Variants in CPED1 observed in about 807,000 individuals in gnomAD.
CPED1 encodes the protein cadherin like and PC-esterase domain containing 1.
A neutral mutation model predicts 128.2 loss-of-function variants in CPED1; 114 were observed. The observed-to-expected ratio is 0.89, with a 90% CI of 0.76 to 1.04. The LOEUF is 1.04. CPED1 is among the 50% of genes least tolerant of loss of function. CPED1 has a pLI of 0.00. For synonymous variants in CPED1, 462 were observed against 426.7 expected (o/e 1.08, Z -1.02); for missense variants, 1,211 against 1,207.1 (o/e 1.00, Z -0.05).
chr7:121,099,635 G>A (rs894105897), intron 6 of CPED1, among the ~76,000 whole-genome samples: 1 of 152,068 alleles, frequency 6.6e-6, no homozygotes, highest in Non-Finnish European at 1.5e-5. Context: ...CAAAGTGCTG[G>A]GATTATAGGC....
intron 22 of CPED1, among the ~76,000 whole-genome samples, chr7:121,289,172 T>G (rs1792642259): frequency 6.6e-6 from 1 of 152,292 alleles, no homozygotes; most frequent in East Asian, 1.9e-4. Flanking sequence ...CTGATTTCAC[T>G]GGATTTCTTA....
At chr7:121,032,988 C>G (rs11976117) in intron 3 of CPED1, among the ~76,000 whole-genome samples, 37,592 of 151,992 alleles carry the variant, frequency 0.25, 4,949 homozygotes, top group East Asian at 0.42. Context: ...ACGTTAGGAT[C>G]CAAGGAGACC....
At position 121,124,475 on chromosome 7, in the gene CPED1, TA is replaced by T. The variant is rs547003345; in HGVS notation, c.1061+8del. On this transcript the variant is annotated splice_donor_region_variant and intron_variant, in intron 8 of 22. Coordinates refer to ENST00000310396, the MANE Select transcript of CPED1 (RefSeq NM_024913.5). ...TCTGGGACCAAAGACCTTCCATAGG[TA>T]AAAAACAAATTTTAATTTAAAAAAA... 1 of 1,447,010 alleles carries T rather than the reference TA, an allele frequency of 6.9e-7. No homozygotes were observed. The highest frequency in any genetic ancestry group is 1.4e-5 in the African/African-American group (1 of 69,016). The allele number at this position is 1,447,010 out of a possible 1,614,324, so 89.6% of individuals were successfully genotyped here.
intron 3 of CPED1, among the ~76,000 whole-genome samples, chr7:121,017,508 G>C (rs1008858754): frequency 6.6e-6 from 1 of 151,840 alleles, no homozygotes; most frequent in Non-Finnish European, 1.5e-5. Context: ...TCACTAAAGG[G>C]GTGATTGTAT....
In CPED1 at chr7:120,989,833, G is replaced by A; in HGVS notation, c.212G>A (p.Cys71Tyr). 6.2e-7 allele frequency: 1 copy of A among 1,614,070 alleles called. No homozygotes were observed. The highest frequency in any genetic ancestry group is 8.5e-7 in the Non-Finnish European group (1 of 1,180,014). The change falls in exon 2 of 23, where the codon TGC becomes TAC. Residue 71 changes from cysteine to tyrosine, a missense_variant. By Grantham distance (194) the Cys-to-Tyr change is radical. Transcript: ENST00000310396. ...AAAGGATTCTCTCAGGACAAACAGT[G>A]CTTCCTTCTCTCTGGTAATGCCCAG... ...CKKGFSQDKQ[C>Y]FLLSGNAQET...
intron 2 of CPED1, among the ~76,000 whole-genome samples, chr7:121,005,505 G>A (rs538831772): frequency 3.2e-4 from 49 of 152,026 alleles, no homozygotes; most frequent in African/African-American, 1.1e-3. Flanking sequence ...GTCTGTCGGC[G>A]GGTGGGGGGC....
rs148955323 is a variant in CPED1, at chr7:121,233,353, T to G, written c.2056-3361T>G. 9.2e-5 allele frequency among the ~76,000 whole-genome samples: 14 copies of G among 152,168 alleles called. No homozygotes were observed. In the East Asian group the frequency reaches 1.5e-3, roughly 17 times the overall value. On this transcript the variant is annotated intron_variant, in intron 16 of 22. Coordinates refer to ENST00000310396, the MANE Select transcript of CPED1 (RefSeq NM_024913.5). Reference sequence around the variant, plus strand: ...CTAAATACTACATTTTCTGTGTCTATAGATCTGTGGCTCCAAGAGATGACA... The same window carrying G: ...CTAAATACTACATTTTCTGTGTCTAGAGATCTGTGGCTCCAAGAGATGACA...
intron 22 of CPED1, among the ~76,000 whole-genome samples, chr7:121,273,950 C>A (rs967882267): frequency 6.6e-6 from 1 of 152,130 alleles, no homozygotes; most frequent in African/African-American, 2.4e-5. Flanking sequence ...CAGTGGTTGC[C>A]AAACCCACAG....
chr7:121,040,212 G>A (rs546112438), intron 3 of CPED1, among the ~76,000 whole-genome samples: 26 of 152,224 alleles, frequency 1.7e-4, no homozygotes, highest in African/African-American at 5.8e-4. Context: ...TAGCCATGTT[G>A]TATAGTTCAT....
At chr7:121,210,704 A>G (rs944130311) in intron 16 of CPED1, among the ~76,000 whole-genome samples, 2 of 151,972 alleles carry the variant, frequency 1.3e-5, no homozygotes, top group African/African-American at 2.4e-5. Context: ...GTTGATGTAT[A>G]CAAAAATGTA....
At chr7:121,036,910 A>C (rs1436068213) in intron 3 of CPED1, among the ~76,000 whole-genome samples, 2 of 151,820 alleles carry the variant, frequency 1.3e-5, no homozygotes, top group African/African-American at 4.8e-5. Flanking sequence ...GCATTTTTTC[A>C]TATGCTTGTT....
At chr7:121,031,824 T>C (rs1404960791) in intron 3 of CPED1, among the ~76,000 whole-genome samples, 1 of 152,176 alleles carries the variant, frequency 6.6e-6, no homozygotes, top group Non-Finnish European at 1.5e-5. Flanking sequence ...TTTGTAAAAC[T>C]TAATACTATG....
chr7:121,044,648 C>CTTTT lies in CPED1; in HGVS notation c.434-2238_434-2237insTTTT, dbSNP rs35159862. On this transcript the variant is annotated intron_variant, in intron 3 of 22. Coordinates refer to ENST00000310396, the MANE Select transcript of CPED1 (RefSeq NM_024913.5). ...GATTGCTGAGAGCAGTGACTTTCTG[C>CTTTT]TCTTTTTTTTTTTTTTTTTTTGCTA... Among the ~76,000 whole-genome samples, 18 of 69,526 alleles carry CTTTT rather than the reference C, an allele frequency of 2.6e-4. 3 individuals are homozygous for CTTTT. The highest frequency in any genetic ancestry group is 6.2e-4 in the South Asian group (1 of 1,616). The allele number at this position is 69,526 out of a possible 152,430, so 45.6% of individuals were successfully genotyped here.
At chr7:121,031,781 T>C (rs987497319) in intron 3 of CPED1, among the ~76,000 whole-genome samples, 3 of 152,232 alleles carry the variant, frequency 2.0e-5, no homozygotes, top group African/African-American at 7.2e-5. Context: ...GTTGAAAATA[T>C]ATTATTGACT....
intron 2 of CPED1, among the ~76,000 whole-genome samples, chr7:120,996,683 G>A (rs1562985948): frequency 6.6e-6 from 1 of 152,114 alleles, no homozygotes; most frequent in Non-Finnish European, 1.5e-5. Flanking sequence ...TTATGGCTAT[G>A]TAAAGTGGAA....
intron 18 of CPED1, among the ~76,000 whole-genome samples, chr7:121,249,980 G>A (rs1456058581): frequency 1.3e-5 from 2 of 152,068 alleles, no homozygotes; most frequent in African/African-American, 2.4e-5. Flanking sequence ...ACTAATAGAC[G>A]TCTACAGAAC....
chr7:121,040,852 G>A (rs908574758), intron 3 of CPED1, among the ~76,000 whole-genome samples: 1 of 152,012 alleles, frequency 6.6e-6, no homozygotes, highest in Admixed American at 6.6e-5. Flanking sequence ...ATAAGTAAAT[G>A]AGGCTTGGCT....
intron 5 of CPED1, among the ~76,000 whole-genome samples, chr7:121,097,354 C>G (rs1375603925): frequency 2.0e-5 from 3 of 152,116 alleles, no homozygotes; most frequent in Admixed American, 2.0e-4. Context: ...TCTGCTCTTG[C>G]AGCCACCACC....
At chr7:121,107,368 A>G in intron 7 of CPED1, among the ~76,000 whole-genome samples, 1 of 152,158 alleles carries the variant, frequency 6.6e-6, no homozygotes. Flanking sequence ...GGAGAACAAA[A>G]ACCAAGAGGA....
Sources: gnomAD v4.1 joint callset for allele counts (sites outside exome capture counted in the v4.1 genomes callset) on GRCh38, gnomAD v4.1.1 for gene constraint, MANE v1.5 for transcripts, NCBI Gene and HGNC (gene_info 2026-07-23, HGNC 2026-07-21) for gene names.